The following ANTXR1 variants were observed in gnomAD, a reference collection of about 807,000 sequenced individuals.
ANTXR1 encodes ANTXR cell adhesion molecule 1.
Under a neutral mutation model 78.1 loss-of-function variants are expected in ANTXR1, and 19 were observed. That is an observed-to-expected ratio of 0.24 (90% confidence interval 0.17 to 0.36). The LOEUF (loss-of-function observed/expected upper bound fraction) is 0.36, where lower values mean the gene tolerates loss of function less well. Among genes scored for constraint, ANTXR1 ranks in the 10% least tolerant of loss-of-function variants. ANTXR1 has a pLI of 1.00. For synonymous variants in ANTXR1, 273 were observed against 260.5 expected, an observed-to-expected ratio of 1.05 and a Z score of -0.46; for missense variants, 518 against 718.6, an observed-to-expected ratio of 0.72 and a Z score of 3.19.
chr2:69,193,216 A>G (rs1379827946), intron 16 of ANTXR1, 119 bp from the exon 17 acceptor site: 32 of 809,546 alleles, frequency 4.0e-5, no homozygotes, highest in Non-Finnish European at 6.4e-5. Context: ...CATCATGACC[A>G]TATTGACAGT....
intron 14 of ANTXR1, among the ~76,000 whole-genome samples, chr2:69,179,077 C>A (rs142238764): frequency 1.5e-3 from 235 of 152,324 alleles, no homozygotes; most frequent in Non-Finnish European, 3.1e-3. Context: ...CAGCCACTTA[C>A]ACAGAAACAT....
chr2:69,048,959 G>A (rs192922682), intron 3 of ANTXR1, among the ~76,000 whole-genome samples: 51 of 152,210 alleles, frequency 3.4e-4, no homozygotes, highest in Non-Finnish European at 5.7e-4. Flanking sequence ...ACCATGTCTC[G>A]TTTACGTCCC....
chr2:69,013,486 C>A lies in ANTXR1; in HGVS notation c.-14C>A. On this transcript the variant is annotated 5_prime_UTR_variant, in exon 1 of 18. Transcript: ENST00000303714. This position sits in a 1 kb window ranked among gnomAD's most constrained non-coding sequence, Gnocchi z 5.0. ...TGGGAAGGAGCGGACCCTGCTCTCC[C>A]CGGGCTGCGGGCCATGGCCACGGCG... 6.3e-7 allele frequency: 1 copy of A among 1,586,776 alleles called. No homozygotes were observed. Among genetic ancestry groups the A allele is most frequent in the Non-Finnish European group, 8.6e-7 (1 of 1,168,958 alleles).
At chr2:69,219,421 A>ACACACACACACACACACACACACACC (rs1305493104) in intron 17 of ANTXR1, among the ~76,000 whole-genome samples, 4 of 150,210 alleles carry the variant, frequency 2.7e-5, no homozygotes, top group East Asian at 3.9e-4. Context: ...ACACACACAC[A>ACACACACACACACACACACACACACC]CCCTACTGAT....
chr2:69,247,068 A>G lies in ANTXR1; in HGVS notation c.*1583A>G, dbSNP rs1435561729. ...TAAGGGCCTGGGATGCATTTATTTT[A>G]TCAATACCAATTTTTGTGGCCATGG... On this transcript the variant is annotated 3_prime_UTR_variant, in exon 18 of 18. Coordinates refer to ENST00000303714, the MANE Select transcript of ANTXR1 (RefSeq NM_032208.3). 3.3e-5 allele frequency: 5 copies of G among 152,412 alleles called. No individual in the cohort carries two copies. Among genetic ancestry groups the G allele is most frequent in the African/African-American group, 1.2e-4 (5 of 41,446 alleles). 9.4% of individuals were successfully genotyped at this position (152,412 alleles called of 1,614,324 possible).
At position 69,027,183 on chromosome 2, in the gene ANTXR1, G is replaced by A. The variant is rs558523692; in HGVS notation, c.153-12861G>A. 3.9e-4 allele frequency among the ~76,000 whole-genome samples: 60 copies of A among 152,290 alleles called. 2 individuals carry two copies. The South Asian group carries it at 8.1e-3, about 21-fold the overall frequency. On this transcript the variant is annotated intron_variant, in intron 1 of 17. Transcript: ENST00000303714. ...AGCATCATGCAGTGGCAGCTGCTCT[G>A]TGGGGGTCAAAGGGGAAACCAAGCC...
At chr2:69,137,831 C>T (rs182169734) in intron 12 of ANTXR1, among the ~76,000 whole-genome samples, 2 of 149,154 alleles carry the variant, frequency 1.3e-5, no homozygotes, top group East Asian at 3.9e-4. Context: ...CGCCTATAAT[C>T]CCAGCACTTT....
chr2:69,154,338 C>T (rs1171736063), intron 13 of ANTXR1, among the ~76,000 whole-genome samples: 2 of 152,140 alleles, frequency 1.3e-5, no homozygotes, highest in Non-Finnish European at 2.9e-5. Flanking sequence ...AAGCTGCCTC[C>T]TCTCACTCTT....
At chr2:69,227,880 A>G (rs550130993) in intron 17 of ANTXR1, among the ~76,000 whole-genome samples, 12 of 152,352 alleles carry the variant, frequency 7.9e-5, no homozygotes, top group African/African-American at 2.9e-4. Flanking sequence ...TCCTTGCACC[A>G]CACTAGGTCA....
rs1423131018 is a variant in ANTXR1 at position 69,240,975 on chromosome 2, T to C, written c.1435-4250T>C. ...AGCCTAGGAGGAAGGCCAGCTGGCA[T>C]CCTAAGCCTTCATTTAGCTGGAGAT... On this transcript the variant is annotated intron_variant, in intron 17 of 17. Transcript: ENST00000303714. 3.3e-5 allele frequency among the ~76,000 whole-genome samples: 5 copies of C among 152,208 alleles called. No individual in the cohort carries two copies. In the East Asian group the frequency reaches 9.6e-4, roughly 29 times the overall value.
intron 8 of ANTXR1, among the ~76,000 whole-genome samples, chr2:69,078,423 G>A (rs1670803492): frequency 6.6e-6 from 1 of 152,164 alleles, no homozygotes; most frequent in South Asian, 2.1e-4. Context: ...CATCAAGGGG[G>A]TCTTGATCCA....
Position 69,248,656 on chromosome 2 carries a change from G to A in ANTXR1, c.*3171G>A, listed in dbSNP as rs1311090492. On this transcript the variant is annotated 3_prime_UTR_variant, in exon 18 of 18. Transcript: ENST00000303714. ...CATCAGAATGGGCAGAGATGATCTTGAAGTGTCACATACACTAAAGTCCAA... is the reference window on the plus strand; with the variant it reads ...CATCAGAATGGGCAGAGATGATCTTAAAGTGTCACATACACTAAAGTCCAA... 6.6e-6 allele frequency: 1 copy of A among 152,162 alleles called. No individual in the cohort carries two copies. The highest frequency in any genetic ancestry group is 1.5e-5 in the Non-Finnish European group (1 of 68,032). 9.4% of individuals were successfully genotyped at this position (152,162 alleles called of 1,614,324 possible).
In ANTXR1 at chr2:69,245,308, G is replaced by A. The variant is rs564930615; in HGVS notation, c.1518G>A (p.Pro506=). Residue 506 remains proline (P), a synonymous_variant, in exon 18 of 18, where the codon CCG becomes CCA. Coordinates refer to ENST00000303714, the MANE Select transcript of ANTXR1 (RefSeq NM_032208.3). ...ACAACGCCTACCACACCTCCTCGCC[G>A]CCTCCTGCCCCCATCTACACTCCCC... ...PLNNAYHTSS[P]PPAPIYTPPP... 2.2e-5 allele frequency: 35 copies of A among 1,611,348 alleles called. No individual in the cohort carries two copies. The East Asian group carries it at 3.1e-4, about 14-fold the overall frequency.
chr2:69,066,094 AG>A, intron 3 of ANTXR1, among the ~76,000 whole-genome samples: 1 of 152,360 alleles, frequency 6.6e-6, no homozygotes, highest in East Asian at 1.9e-4. Flanking sequence ...CAAGAAGACT[AG>A]GAAGTTGACA....
chr2:69,041,749 G>T (rs74995973), intron 2 of ANTXR1, among the ~76,000 whole-genome samples: 2 of 152,126 alleles, frequency 1.3e-5, no homozygotes, highest in Non-Finnish European at 2.9e-5. Context: ...TTGTGGGCAG[G>T]GGCAAGGGAG....
intron 17 of ANTXR1, among the ~76,000 whole-genome samples, chr2:69,200,437 C>G (rs1674746595): frequency 1.3e-5 from 2 of 152,236 alleles, no homozygotes; most frequent in African/African-American, 4.8e-5. Flanking sequence ...GCAGGTTATC[C>G]TCCAGGAGAG....
At chr2:69,170,350 G>A (rs1431223878) in intron 14 of ANTXR1, 61 bp downstream of exon 14, 2 of 1,598,400 alleles carry the variant, frequency 1.3e-6, no homozygotes, top group East Asian at 4.5e-5. Flanking sequence ...GTGGAGAGCT[G>A]GCTGGGCAGC....
chr2:69,060,259 C>G (rs888262682), intron 3 of ANTXR1, among the ~76,000 whole-genome samples: 1 of 152,172 alleles, frequency 6.6e-6, no homozygotes, highest in African/African-American at 2.4e-5. Flanking sequence ...TCTGGTAGAT[C>G]TTAGCATTCC....
intron 11 of ANTXR1, 46 bp from the exon 12 acceptor site, chr2:69,124,519 C>A: frequency 1.3e-6 from 2 of 1,564,790 alleles, no homozygotes; most frequent in South Asian, 1.1e-5. Context: ...GCCTGTTGCT[C>A]ATTGCACGCC....
Sources: allele counts gnomAD v4.1 joint callset (sites outside exome capture counted in the v4.1 genomes callset), GRCh38; gene constraint gnomAD v4.1.1; non-coding constraint Gnocchi (gnomAD v3.1); transcripts MANE v1.5; gene names NCBI Gene and HGNC (gene_info 2026-07-23, HGNC 2026-07-21).